XYLT1: variants seen among roughly 807,000 people sequenced by gnomAD.
The protein encoded by XYLT1 is beta-D-xylosyltransferase 1.
In XYLT1, 36 loss-of-function variants were observed where a neutral mutation model predicts 91.3. The observed-to-expected ratio is 0.39, with a 90% CI of 0.30 to 0.52. The LOEUF (loss-of-function observed/expected upper bound fraction) is 0.52. Ranked by LOEUF, XYLT1 falls within the 20% of genes least tolerant of loss-of-function variation. XYLT1 has a pLI of 0.68. For synonymous variants in XYLT1, 588 were observed against 532.0 expected, an observed-to-expected ratio of 1.11 and a Z score of -1.45; for missense variants, 1,242 against 1,284.5, an observed-to-expected ratio of 0.97 and a Z score of 0.51.
intron 3 of XYLT1, among the ~76,000 whole-genome samples, chr16:17,221,338 C>T (rs765517161): frequency 6.6e-6 from 1 of 152,098 alleles, no homozygotes; most frequent in Non-Finnish European, 1.5e-5. Flanking sequence ...TACTATATGC[C>T]GGGCATGGTA....
chr16:17,412,472 GC>G (rs2036124028), intron 1 of XYLT1, among the ~76,000 whole-genome samples: 1 of 143,594 alleles, frequency 7.0e-6, no homozygotes, highest in African/African-American at 2.6e-5. Context: ...GTAGTTAGAG[GC>G]CAAAATAAAA....
At chr16:17,110,862 A>G (rs998107383) in intron 11 of XYLT1, among the ~76,000 whole-genome samples, 2 of 152,182 alleles carry the variant, frequency 1.3e-5, no homozygotes, top group African/African-American at 4.8e-5. Context: ...CACTCATGCA[A>G]AAATTCAAAC....
At chr16:17,128,918 G>T (rs966710944) in intron 9 of XYLT1, among the ~76,000 whole-genome samples, 52 of 152,186 alleles carry the variant, frequency 3.4e-4, no homozygotes, top group African/African-American at 1.2e-3. Context: ...ACAAATCATT[G>T]TCCCTGCTCA....
At chr16:17,316,685 C>A (rs2034636870) in intron 2 of XYLT1, among the ~76,000 whole-genome samples, 1 of 152,180 alleles carries the variant, frequency 6.6e-6, no homozygotes, top group African/African-American at 2.4e-5. Flanking sequence ...GCGTGAGCCA[C>A]AGCACCCAGC....
intron 5 of XYLT1, among the ~76,000 whole-genome samples, chr16:17,163,272 TTG>T (rs535581697): frequency 6.6e-6 from 1 of 152,136 alleles, no homozygotes; most frequent in Non-Finnish European, 1.5e-5. Context: ...CATGGCACCA[TTG>T]TGTGTGTGTC....
At chr16:17,334,287 C>A (rs1418539234) in intron 2 of XYLT1, among the ~76,000 whole-genome samples, 1 of 152,142 alleles carries the variant, frequency 6.6e-6, no homozygotes, top group Non-Finnish European at 1.5e-5. Context: ...TAAGTGTTTC[C>A]TCCCAACAGT....
intron 3 of XYLT1, chr16:17,249,982 C>T (rs1474052429): frequency 6.6e-6 from 1 of 152,254 alleles, no homozygotes; most frequent in African/African-American, 2.4e-5. Flanking sequence ...AGCCTGTAGG[C>T]ACCTATCTAA....
intron 2 of XYLT1, among the ~76,000 whole-genome samples, chr16:17,355,682 C>G (rs1281438744): frequency 6.6e-6 from 1 of 152,148 alleles, no homozygotes; most frequent in Admixed American, 6.5e-5. Context: ...GACAGTGTTT[C>G]TCAATCTCAA....
intron 2 of XYLT1, among the ~76,000 whole-genome samples, chr16:17,268,263 T>G (rs1023176400): frequency 9.2e-5 from 14 of 152,230 alleles, no homozygotes; most frequent in Non-Finnish European, 1.9e-4. Context: ...TTCCTAAATT[T>G]GTTTTCGTTG....
chr16:17,349,470 G>A (rs370417902), intron 2 of XYLT1, among the ~76,000 whole-genome samples: 2 of 151,888 alleles, frequency 1.3e-5, no homozygotes, highest in East Asian at 1.9e-4. Context: ...CCTACTGACC[G>A]TACAACTTTT....
At chr16:17,297,502 C>T (rs921218347) in intron 2 of XYLT1, among the ~76,000 whole-genome samples, 1 of 151,618 alleles carries the variant, frequency 6.6e-6, no homozygotes, top group Non-Finnish European at 1.5e-5. Flanking sequence ...CACTTGAGGC[C>T]AGCGGTTCAA....
intron 2 of XYLT1, among the ~76,000 whole-genome samples, chr16:17,337,651 C>T (rs2035000667): frequency 6.6e-6 from 1 of 152,176 alleles, no homozygotes; most frequent in South Asian, 2.1e-4. Flanking sequence ...AAAAACATCA[C>T]AAGAGGTTGT....
intron 1 of XYLT1, among the ~76,000 whole-genome samples, chr16:17,405,571 G>A (rs756930314): frequency 1.9e-4 from 29 of 152,156 alleles, no homozygotes; most frequent in Non-Finnish European, 3.7e-4. Context: ...CATCTTCCTC[G>A]GGGGCCGTAG....
intron 3 of XYLT1, among the ~76,000 whole-genome samples, chr16:17,225,357 G>A (rs993824339): frequency 7.9e-5 from 12 of 152,002 alleles, no homozygotes; most frequent in Admixed American, 6.6e-5. Flanking sequence ...AAAATGCAAG[G>A]CCCCTTGTTC....
chr16:17,133,193 G>GAAACCTTGCTGGCCAGGGATGAGACA (rs2030562211), intron 9 of XYLT1, among the ~76,000 whole-genome samples: 1 of 152,122 alleles, frequency 6.6e-6, no homozygotes, highest in Non-Finnish European at 1.5e-5. Flanking sequence ...CAGCCCTGCG[G>GAAACCTTGCTGGCCAGGGATGAGACA]AAACCTTGCT....
chr16:17,301,696 G>A (rs1418492671), intron 2 of XYLT1, among the ~76,000 whole-genome samples: 4 of 152,138 alleles, frequency 2.6e-5, no homozygotes, highest in African/African-American at 9.7e-5. Context: ...GTGCGAAGGC[G>A]TTTCATCAGA....
At chr16:17,454,534 C>A (rs1296430938) in intron 1 of XYLT1, among the ~76,000 whole-genome samples, 2 of 146,268 alleles carry the variant, frequency 1.4e-5, no homozygotes, top group Admixed American at 1.3e-4. Flanking sequence ...TATTTATGAT[C>A]GCAATTTTTT....
chr16:17,149,915 A>G (rs1045358830), intron 6 of XYLT1, among the ~76,000 whole-genome samples: 2 of 152,246 alleles, frequency 1.3e-5, no homozygotes, highest in Non-Finnish European at 2.9e-5. Flanking sequence ...TAAGGGCTCC[A>G]TAATGTCCAT....
At chr16:17,335,357 A>G (rs1419473370) in intron 2 of XYLT1, among the ~76,000 whole-genome samples, 1 of 152,114 alleles carries the variant, frequency 6.6e-6, no homozygotes, top group Non-Finnish European at 1.5e-5. Context: ...TACTATCCAC[A>G]TGCTCCCACA....
Sources: gnomAD v4.1 joint callset for allele counts (sites outside exome capture counted in the v4.1 genomes callset) on GRCh38, gnomAD v4.1.1 for gene constraint, MANE v1.5 for transcripts, NCBI Gene and HGNC (gene_info 2026-07-23, HGNC 2026-07-21) for gene names.